The following SAMM50 variants were observed in gnomAD, a reference collection of about 807,000 sequenced individuals.
The protein encoded by SAMM50 is sorting and assembly machinery component 50 homolog.
A neutral mutation model predicts 66.9 loss-of-function variants in SAMM50; 47 were observed. The ratio of observed to expected loss-of-function variants is 0.70; its 90% CI spans 0.56 to 0.90. SAMM50 has a LOEUF of 0.90. Among genes scored for constraint, SAMM50 ranks in the 40% least tolerant of loss-of-function variants. SAMM50 has a pLI of 0.00. For synonymous variants in SAMM50, 191 were observed against 214.1 expected, an observed-to-expected ratio of 0.89 and a Z score of 0.94; for missense variants, 535 against 595.3, an observed-to-expected ratio of 0.90 and a Z score of 1.05.
At chr22:43,989,766 A>T (rs1406528908) in intron 13 of SAMM50, among the ~76,000 whole-genome samples, 1 of 152,208 alleles carries the variant, frequency 6.6e-6, no homozygotes, top group African/African-American at 2.4e-5. Context: ...CATACAAGAA[A>T]AATAATCATC....
At chr22:43,962,375 G>A (rs2146806386) in intron 1 of SAMM50, among the ~76,000 whole-genome samples, 1 of 152,192 alleles carries the variant, frequency 6.6e-6, no homozygotes, top group East Asian at 1.9e-4. Flanking sequence ...GTCAGAGACT[G>A]TCTGTCTTAA....
intron 8 of SAMM50, among the ~76,000 whole-genome samples, chr22:43,976,535 T>C (rs1211644039): frequency 6.6e-6 from 1 of 152,162 alleles, no homozygotes; most frequent in East Asian, 1.9e-4. Flanking sequence ...AGGAATCGTT[T>C]ATTCAGTTGA....
intron 4 of SAMM50, among the ~76,000 whole-genome samples, chr22:43,971,060 C>T (rs1012837399): frequency 6.6e-6 from 1 of 151,922 alleles, no homozygotes; most frequent in African/African-American, 2.4e-5. Flanking sequence ...CCCAGCTACT[C>T]GGAAGGCTGA....
chr22:43,956,975 C>A, intron 1 of SAMM50: 1 of 639,068 alleles, frequency 1.6e-6, no homozygotes. Flanking sequence ...GCTCTTCCTG[C>A]CATCTTGGCT....
At chr22:43,980,057 C>CATTT (rs1275728505) in intron 10 of SAMM50, among the ~76,000 whole-genome samples, 2 of 150,492 alleles carry the variant, frequency 1.3e-5, no homozygotes, top group Non-Finnish European at 3.0e-5. Context: ...TCTACCCACC[C>CATTT]ATTTACCCAT....
chr22:43,969,432 C>T (rs770664977), intron 4 of SAMM50, among the ~76,000 whole-genome samples: 3 of 152,200 alleles, frequency 2.0e-5, no homozygotes, highest in Non-Finnish European at 4.4e-5. Context: ...AGGGCGTGGT[C>T]TCCTCCTGAT....
At chr22:43,970,798 G>T (rs1040208736) in intron 4 of SAMM50, among the ~76,000 whole-genome samples, 3 of 151,288 alleles carry the variant, frequency 2.0e-5, no homozygotes, top group Admixed American at 2.0e-4. Flanking sequence ...CTTTCTGTGC[G>T]CCTAAAGCTG....
intron 1 of SAMM50, chr22:43,957,205 T>G: frequency 1.5e-6 from 1 of 683,770 alleles, no homozygotes; most frequent in Non-Finnish European, 2.7e-6. Context: ...TGGCGGCAAA[T>G]CAAACAAAGC....
chr22:43,964,192 G>T (rs2050161494), intron 2 of SAMM50, among the ~76,000 whole-genome samples: 1 of 152,170 alleles, frequency 6.6e-6, no homozygotes, highest in Non-Finnish European at 1.5e-5. Context: ...CGGGTTTAGG[G>T]CTCACCTGGT....
Position 43,968,797 on chromosome 22 carries a change from G to A in SAMM50, c.301G>A (p.Val101Ile). The change falls in exon 4 of 15, where the codon GTT becomes ATT. Residue 101 changes from valine to isoleucine, a missense_variant. Coordinates refer to ENST00000350028, the MANE Select transcript of SAMM50 (RefSeq NM_015380.5). Reference protein sequence around the residue: ...LRLGIFRQVDVLIDTCQGDDA... With the variant: ...LRLGIFRQVDILIDTCQGDDA... ...TCTTGGAATTTTTAGACAAGTGGATGTTTTGATTGACACATGTCAAGGTAC... is the reference window on the plus strand; with the variant it reads ...TCTTGGAATTTTTAGACAAGTGGATATTTTGATTGACACATGTCAAGGTAC... 6.2e-7 allele frequency: 1 copy of A among 1,611,512 alleles called. No individual in the cohort carries two copies.
rs373916143 is a variant in SAMM50, at chr22:43,990,243, T to C, written c.1223-22T>C. ...TGGAAGGACGGGCACGCACTGTTGCTCACAGGTCTTTCTCTTTTCAGGGGA... is the reference window on the plus strand; with the variant it reads ...TGGAAGGACGGGCACGCACTGTTGCCCACAGGTCTTTCTCTTTTCAGGGGA... On this transcript the variant is annotated intron_variant, in intron 13 of 14. Transcript: ENST00000350028. 20 of 1,614,144 alleles carry C rather than the reference T, an allele frequency of 1.2e-5. No homozygotes were observed. In the African/African-American group the frequency reaches 2.5e-4, roughly 20 times the overall value.
At chr22:43,980,163 T>C (rs1457464112) in intron 10 of SAMM50, among the ~76,000 whole-genome samples, 11 of 8,272 alleles carry the variant, frequency 1.3e-3, no homozygotes, top group African/African-American at 1.9e-3. Flanking sequence ...CATCCATCCA[T>C]TCACCCACCC....
intron 1 of SAMM50, chr22:43,957,196 G>A: frequency 1.5e-6 from 1 of 689,146 alleles, no homozygotes; most frequent in Non-Finnish European, 2.7e-6. Context: ...AGTGACTCCT[G>A]GCGGCAAATC....
At position 43,955,554 on chromosome 22, in the gene SAMM50, G is replaced by T. The variant is rs11547243; in HGVS notation, c.-24G>T. 1 of 1,598,702 alleles carries T rather than the reference G, an allele frequency of 6.3e-7. No individual in the cohort carries two copies. Among genetic ancestry groups the T allele is most frequent in the Non-Finnish European group, 8.5e-7 (1 of 1,173,520 alleles). The stretch of plus-strand genomic sequence containing the variant: ...CTCTGTCCCGCCCGGGCAGCTCTGC[G>T]AGGCAGCGGCTGGAGAGGGAACCAT... On this transcript the variant is annotated 5_prime_UTR_variant, in exon 1 of 15. Coordinates refer to ENST00000350028, the MANE Select transcript of SAMM50 (RefSeq NM_015380.5).
At chr22:43,978,771 G>A (rs970711581) in intron 10 of SAMM50, among the ~76,000 whole-genome samples, 7 of 152,092 alleles carry the variant, frequency 4.6e-5, no homozygotes, top group East Asian at 1.9e-4. Flanking sequence ...TATTTCTCAC[G>A]TCTTCCCAGC....
chr22:43,992,179 ACT>A (rs1264626784), intron 14 of SAMM50, among the ~76,000 whole-genome samples: 2 of 151,908 alleles, frequency 1.3e-5, no homozygotes, highest in African/African-American at 4.8e-5. Context: ...TATCATTTTT[ACT>A]CTCTCCGTCT....
intron 7 of SAMM50, among the ~76,000 whole-genome samples, chr22:43,974,420 G>A (rs1259170811): frequency 6.6e-6 from 1 of 152,224 alleles, no homozygotes; most frequent in Non-Finnish European, 1.5e-5. Context: ...TGGATGAGAG[G>A]CGTGGTAAAG....
chr22:43,976,247 A>G (rs1400138651), intron 8 of SAMM50, 64 bp downstream of exon 8: 1 of 1,552,266 alleles, frequency 6.4e-7, no homozygotes, highest in East Asian at 2.3e-5. Context: ...GCATTGGGAA[A>G]ACAGTCTTTG....
intron 2 of SAMM50, 123 bp downstream of exon 2, chr22:43,963,519 C>T (rs755786639): frequency 3.9e-6 from 2 of 508,890 alleles, no homozygotes; most frequent in Non-Finnish European, 7.0e-6. Flanking sequence ...AGTTTGTAAC[C>T]ACCTACAACT....
Sources: gnomAD v4.1 joint callset for allele counts (sites outside exome capture counted in the v4.1 genomes callset) on GRCh38, gnomAD v4.1.1 for gene constraint, MANE v1.5 for transcripts, NCBI Gene and HGNC (gene_info 2026-07-23, HGNC 2026-07-21) for gene names.